Variants in PARD3B observed in about 807,000 individuals in gnomAD.
The protein encoded by PARD3B is par-3 family cell polarity regulator beta.
In PARD3B, 103 loss-of-function variants were observed where a neutral mutation model predicts 130.2. That is an observed-to-expected ratio of 0.79 (90% CI 0.67 to 0.93). The LOEUF is 0.93. PARD3B is among the 40% of genes least tolerant of loss of function. The pLI, the probability that PARD3B is intolerant of heterozygous loss-of-function variation, is 0.00. For missense variants in PARD3B, 1,609 were observed against 1,499.2 expected (o/e 1.07, Z -1.21); for synonymous variants, 583 against 553.2 (o/e 1.05, Z -0.76).
rs546826492 is a variant in PARD3B, at chr2:205,533,112, A to G, written c.3181-20212A>G. Among the ~76,000 whole-genome samples, 18 of 152,344 alleles carry G rather than the reference A, an allele frequency of 1.2e-4. No individual in the cohort carries two copies. The South Asian group carries it at 2.9e-3, about 25-fold the overall frequency. On this transcript the variant is annotated intron_variant, in intron 21 of 22. Coordinates refer to ENST00000406610, the MANE Select transcript of PARD3B (RefSeq NM_001302769.2). Reference sequence around the variant, plus strand: ...CTGTTTCAACTTTCATTGCAAAGAAAAGAAAGCAAAATATGGCCATCCCTC... The same window carrying G: ...CTGTTTCAACTTTCATTGCAAAGAAGAGAAAGCAAAATATGGCCATCCCTC...
intron 18 of PARD3B, among the ~76,000 whole-genome samples, chr2:205,336,975 G>A (rs849217): frequency 0.42 from 35,650 of 85,056 alleles, 5,513 homozygotes; most frequent in African/African-American, 0.5. Flanking sequence ...TTTATTTCTT[G>A]TAAAAAAAAA....
intron 1 of PARD3B, among the ~76,000 whole-genome samples, chr2:204,599,709 G>C (rs915956352): frequency 1.3e-5 from 2 of 151,832 alleles, no homozygotes; most frequent in Non-Finnish European, 2.9e-5. Context: ...GCCCAATAGT[G>C]AGATTGCTGG....
At chr2:204,898,042 A>G (rs951661982) in intron 2 of PARD3B, among the ~76,000 whole-genome samples, 5 of 152,098 alleles carry the variant, frequency 3.3e-5, no homozygotes, top group African/African-American at 1.2e-4. Context: ...TGCACATGTT[A>G]TAAATGTACT....
intron 3 of PARD3B, among the ~76,000 whole-genome samples, chr2:204,991,192 C>T (rs1276021754): frequency 6.6e-6 from 1 of 151,108 alleles, no homozygotes; most frequent in Non-Finnish European, 1.5e-5. Flanking sequence ...CATCATCTAG[C>T]ATTAGGTATA....
rs1003615897 is a variant in PARD3B at position 205,160,156 on chromosome 2, C to G, written c.1620+1249C>G. On this transcript the variant is annotated intron_variant, in intron 11 of 22. Coordinates refer to ENST00000406610, the MANE Select transcript of PARD3B (RefSeq NM_001302769.2). The surrounding 1 kb of genome is among the most constrained non-coding windows in gnomAD (Gnocchi z 4.0). ...AATGTACTTTGGACAGACACCTCTT[C>G]AGTTTACTCCTTGGTTTAGTTAGCT... is the stretch of plus-strand genomic sequence containing the variant. Among the ~76,000 whole-genome samples, 4 of 152,208 alleles carry G rather than the reference C, an allele frequency of 2.6e-5. No homozygotes were observed. The highest frequency in any genetic ancestry group is 5.9e-5 in the Non-Finnish European group (4 of 68,036).
intron 3 of PARD3B, among the ~76,000 whole-genome samples, chr2:205,035,103 T>TC (rs200675523): frequency 1.8e-3 from 276 of 150,556 alleles, no homozygotes; most frequent in East Asian, 7.0e-3. Context: ...CCTCAGGTGA[T>TC]CCCCCCCCCT....
chr2:204,921,081 GC>G (rs1486768891), intron 2 of PARD3B, among the ~76,000 whole-genome samples: 2 of 152,148 alleles, frequency 1.3e-5, no homozygotes, highest in Admixed American at 1.3e-4. Context: ...GATAAGTGAG[GC>G]TAAAGTGGTG....
chr2:204,845,153 C>G (rs1011924853), intron 2 of PARD3B, among the ~76,000 whole-genome samples: 1 of 152,112 alleles, frequency 6.6e-6, no homozygotes, highest in Non-Finnish European at 1.5e-5. Context: ...GACAGTCTGA[C>G]AGGTGTTAAT....
chr2:204,751,811 C>T (rs896019301), intron 2 of PARD3B, among the ~76,000 whole-genome samples: 4 of 152,180 alleles, frequency 2.6e-5, no homozygotes, highest in African/African-American at 9.7e-5. Context: ...TAAGATAACA[C>T]ACCAGCAAGC....
At chr2:205,372,168 T>C (rs191867023) in intron 18 of PARD3B, among the ~76,000 whole-genome samples, 15 of 152,332 alleles carry the variant, frequency 9.8e-5, no homozygotes, top group Admixed American at 1.3e-4. Flanking sequence ...TTCATAGATA[T>C]ATATTTAAGA....
At chr2:205,161,003 A>G (rs1383568485) in intron 11 of PARD3B, among the ~76,000 whole-genome samples, 1 of 152,182 alleles carries the variant, frequency 6.6e-6, no homozygotes, top group Non-Finnish European at 1.5e-5. Flanking sequence ...TAGCCAAGCC[A>G]TCTAGGTTTG....
At chr2:204,918,752 G>A (rs2047551294) in intron 2 of PARD3B, among the ~76,000 whole-genome samples, 1 of 152,132 alleles carries the variant, frequency 6.6e-6, no homozygotes, top group Non-Finnish European at 1.5e-5. Flanking sequence ...TCTTTTTGAG[G>A]GATTTGGTGA....
chr2:205,286,103 T>C (rs1276832070), intron 16 of PARD3B, among the ~76,000 whole-genome samples: 2 of 152,146 alleles, frequency 1.3e-5, no homozygotes, highest in Non-Finnish European at 2.9e-5. Flanking sequence ...TAAAAATATA[T>C]CACATTGCTC....
At chr2:204,912,056 A>G (rs79254770) in intron 2 of PARD3B, among the ~76,000 whole-genome samples, 2,131 of 152,302 alleles carry the variant, frequency 0.014, 54 homozygotes, top group East Asian at 0.078. Flanking sequence ...TTAAAATGTC[A>G]AAGTGCAAGT....
In PARD3B at chr2:205,054,434, A is replaced by ATTTT. The variant is rs1482779392; in HGVS notation, c.504+6745_504+6746insTTTT. Among the ~76,000 whole-genome samples the ATTTT allele has an allele frequency of 2.0e-4, 6 of 29,486 alleles. No individual in the cohort carries two copies. In the Admixed American group the frequency reaches 2.3e-3, roughly 11 times the overall value. The allele number at this position is 29,486 out of a possible 152,430, so 19.3% of individuals were successfully genotyped here. A position where few individuals can be genotyped will look rare whatever the true frequency, so the allele number is the denominator to read the frequency against. On this transcript the variant is annotated intron_variant, in intron 4 of 22. Transcript: ENST00000406610. ...TATATATATATATATATATATATATATATTTTTTTTTTTTTTTTTTTTTAA... is the reference window on the plus strand; with the variant it reads ...TATATATATATATATATATATATATATTTTTATTTTTTTTTTTTTTTTTTTTTAA...
rs538083602 is a variant in PARD3B at position 204,951,844 on chromosome 2, G to A, written c.223-13308G>A. Among the ~76,000 whole-genome samples, 8 of 152,214 alleles carry A rather than the reference G, an allele frequency of 5.3e-5. No homozygotes were observed. In the East Asian group the frequency reaches 1.5e-3, roughly 29 times the overall value. ...CAAGAAATGATGAAAAGAGGACTTT[G>A]GTGAGAGTCAAAGACGCATGCTCAC... On this transcript the variant is annotated intron_variant, in intron 2 of 22. Transcript: ENST00000406610.
rs750163275 is a variant in PARD3B at position 205,121,741 on chromosome 2, G to C, written c.957G>C (p.Pro319=). 1.9e-6 allele frequency: 3 copies of C among 1,613,954 alleles called. No individual in the cohort carries two copies. The highest frequency in any genetic ancestry group is 2.5e-6 in the Non-Finnish European group (3 of 1,180,036). The part of the protein sequence containing the change: ...NNDGVLKTKV[P]PPVHGKSGLK... ...ATGGCGTTTTGAAAACCAAAGTGCC[G>C]CCTCCTGTCCATGGAAAATCGGGAC... The change falls in exon 8 of 23, where the codon CCG becomes CCC. Residue 319 remains proline (P), a synonymous_variant. Transcript: ENST00000406610. This position sits in a 1 kb window ranked among gnomAD's most constrained non-coding sequence, Gnocchi z 5.0.
At chr2:204,962,012 T>C (rs1045706245) in intron 2 of PARD3B, among the ~76,000 whole-genome samples, 4 of 152,116 alleles carry the variant, frequency 2.6e-5, no homozygotes, top group Non-Finnish European at 4.4e-5. Context: ...CTGTGGTAAG[T>C]GGATCCTGAG....
chr2:204,879,321 G>A (rs562368672), intron 2 of PARD3B, among the ~76,000 whole-genome samples: 4 of 152,252 alleles, frequency 2.6e-5, no homozygotes, highest in Admixed American at 1.3e-4. Context: ...GGGTAAGAAC[G>A]TCTCAGGACA....
Sources: gnomAD v4.1 joint callset for allele counts (sites outside exome capture counted in the v4.1 genomes callset) on GRCh38, gnomAD v4.1.1 for gene constraint, Gnocchi (gnomAD v3.1) non-coding constraint, MANE v1.5 for transcripts, NCBI Gene and HGNC (gene_info 2026-07-23, HGNC 2026-07-21) for gene names.